Variants in ZNF277 observed in about 807,000 individuals in gnomAD.
ZNF277 encodes the protein nuclear receptor-interacting factor 4.
ZNF277 carries 55 observed loss-of-function variants against 60.7 expected under a neutral mutation model. That is an observed-to-expected ratio of 0.91 (90% CI 0.73 to 1.13). The LOEUF is 1.13. ZNF277 is among the 50% of genes most tolerant of loss of function. The probability of loss-of-function intolerance (pLI) is 0.00; values close to 1 mark genes in which losing one functional copy is unlikely to be tolerated. For missense variants in ZNF277, 510 were observed against 523.0 expected (o/e 0.98, Z 0.24); for synonymous variants, 178 against 179.3 (o/e 0.99, Z 0.06).
intron 5 of ZNF277, among the ~76,000 whole-genome samples, chr7:112,326,641 T>TAA (rs72193139): frequency 0.25 from 35,560 of 144,880 alleles, 4,599 homozygotes; most frequent in African/African-American, 0.34. Context: ...CTTACATAGT[T>TAA]AAAAAAAAAA....
chr7:112,255,401 A>C (rs905550610), intron 1 of ZNF277, among the ~76,000 whole-genome samples: 6 of 152,228 alleles, frequency 3.9e-5, no homozygotes, highest in Admixed American at 2.6e-4. Context: ...ACAGTATTAA[A>C]GTTAAGTATT....
chr7:112,224,881 A>G (rs1239818094), intron 1 of ZNF277, among the ~76,000 whole-genome samples: 2 of 152,118 alleles, frequency 1.3e-5, no homozygotes, highest in African/African-American at 4.8e-5. Flanking sequence ...GGTGGCTCAC[A>G]CCTGCAATCC....
intron 5 of ZNF277, among the ~76,000 whole-genome samples, chr7:112,323,415 A>T (rs551083849): frequency 1.3e-5 from 2 of 152,342 alleles, no homozygotes; most frequent in Non-Finnish European, 2.9e-5. Context: ...GGGTGGACTG[A>T]ATCATGTCAA....
intron 2 of ZNF277, among the ~76,000 whole-genome samples, chr7:112,291,609 G>A (rs57771476): frequency 0.06 from 9,056 of 152,114 alleles, 716 homozygotes; most frequent in African/African-American, 0.18. Flanking sequence ...AATTTGAACA[G>A]TGTTCTAGTG....
chr7:112,288,326 G>C lies in ZNF277; in HGVS notation c.293+1252G>C, dbSNP rs564765917. The C allele has an allele frequency of 2.0e-5, 3 of 152,260 alleles. No individual in the cohort carries two copies. The East Asian group carries it at 5.8e-4, about 29-fold the overall frequency. The allele number at this position is 152,260 out of a possible 1,614,324, so 9.4% of individuals were successfully genotyped here. A position where few individuals can be genotyped will look rare whatever the true frequency, so the allele number is the denominator to read the frequency against. On this transcript the variant is annotated intron_variant, in intron 2 of 11. Coordinates refer to ENST00000361822, the MANE Select transcript of ZNF277 (RefSeq NM_021994.3). ...TGTCCTGATTTCCCCATAAAACATT[G>C]TAGTAGCCCAGACATTGAATACCCC... is the stretch of plus-strand genomic sequence containing the variant.
intron 2 of ZNF277, among the ~76,000 whole-genome samples, chr7:112,291,985 C>T (rs541203491): frequency 6.6e-6 from 1 of 152,198 alleles, no homozygotes; most frequent in African/African-American, 2.4e-5. Flanking sequence ...GAAGAGAACA[C>T]TCAAATGACA....
Position 112,295,908 on chromosome 7 carries a change from C to T in ZNF277, c.333C>T (p.Pro111=), listed in dbSNP as rs1205253425. 8.1e-6 allele frequency: 13 copies of T among 1,612,810 alleles called. No homozygotes were observed. The highest frequency in any genetic ancestry group is 1.3e-5 in the African/African-American group (1 of 74,866). ...GGAGGAAAAGGTTCACTGAACAGCC[C>T]ATCACAGATTTTTGTAGTGTAATAA... ...LYWRKRFTEQ[P]ITDFCSVIRI... Residue 111 remains proline (P), a synonymous_variant, in exon 3 of 12, where the codon CCC becomes CCT. Transcript: ENST00000361822.
intron 4 of ZNF277, among the ~76,000 whole-genome samples, chr7:112,310,218 G>T (rs1299219036): frequency 6.6e-6 from 1 of 151,958 alleles, no homozygotes; most frequent in Non-Finnish European, 1.5e-5. Context: ...TTCTGGCATG[G>T]CCAGTTCCCA....
chr7:112,220,241 T>C (rs1821989787), intron 1 of ZNF277, among the ~76,000 whole-genome samples: 1 of 152,198 alleles, frequency 6.6e-6, no homozygotes, highest in African/African-American at 2.4e-5. Flanking sequence ...TATTTTATAG[T>C]TTTCCCTGTA....
chr7:112,280,511 A>G (rs973852031), intron 1 of ZNF277, among the ~76,000 whole-genome samples: 1 of 152,188 alleles, frequency 6.6e-6, no homozygotes, highest in Non-Finnish European at 1.5e-5. Context: ...GCCAAAGCAG[A>G]ATTTCCAAGA....
At chr7:112,232,338 TA>T (rs201558957) in intron 1 of ZNF277, among the ~76,000 whole-genome samples, 21 of 152,214 alleles carry the variant, frequency 1.4e-4, no homozygotes, top group Non-Finnish European at 2.2e-4. Flanking sequence ...AGAATTCTAA[TA>T]AAGTAGTATG....
chr7:112,240,588 G>T (rs1790923421), intron 1 of ZNF277, among the ~76,000 whole-genome samples: 1 of 152,058 alleles, frequency 6.6e-6, no homozygotes, highest in East Asian at 1.9e-4. Context: ...AAAAACAAAT[G>T]CTACTGAGCT....
intron 8 of ZNF277, among the ~76,000 whole-genome samples, chr7:112,336,848 G>C (rs147927368): frequency 1.2e-3 from 180 of 152,278 alleles, no homozygotes; most frequent in African/African-American, 4.1e-3. Context: ...ATACTAGTTG[G>C]AATATTTAAT....
chr7:112,314,328 G>A (rs2117105435), intron 4 of ZNF277, among the ~76,000 whole-genome samples: 3 of 152,186 alleles, frequency 2.0e-5, no homozygotes, highest in Middle Eastern at 6.8e-3. Context: ...AAGCAAAGAT[G>A]GGCAAAAGAG....
intron 1 of ZNF277, among the ~76,000 whole-genome samples, chr7:112,218,493 C>G (rs766242140): frequency 1.3e-4 from 20 of 152,118 alleles, no homozygotes; most frequent in Non-Finnish European, 2.2e-4. Flanking sequence ...CATTTAAGAT[C>G]TACTCATAGC....
chr7:112,296,218 T>A lies in ZNF277; in HGVS notation c.383-11T>A. ...TCTGTTTTCTTATTTGTTTTCCTAA[T>A]CTCTCAACAGAAGAACAAGAGAATT... On this transcript the variant is annotated splice_polypyrimidine_tract_variant and intron_variant, in intron 3 of 11. Transcript: ENST00000361822. 1 of 1,530,098 alleles carries A rather than the reference T, an allele frequency of 6.5e-7. No homozygotes were observed. Among genetic ancestry groups the A allele is most frequent in the East Asian group, 2.3e-5 (1 of 44,204 alleles). 94.8% of individuals were successfully genotyped at this position (1,530,098 alleles called of 1,614,324 possible). A position where few individuals can be genotyped will look rare whatever the true frequency, so the allele number is the denominator to read the frequency against.
chr7:112,225,549 G>T (rs973609098), intron 1 of ZNF277, among the ~76,000 whole-genome samples: 12 of 152,190 alleles, frequency 7.9e-5, no homozygotes, highest in African/African-American at 2.9e-4. Flanking sequence ...TATATTTTTA[G>T]ATGTCAGTAG....
In ZNF277 at chr7:112,285,642, G is replaced by A. The variant is rs138741194; in HGVS notation, c.92-1231G>A. ...GTAGAGACGGGGTTTTACCATGTTGGCCAGGCTGGTCTCAAACTCCTAACC... is the reference window on the plus strand; with the variant it reads ...GTAGAGACGGGGTTTTACCATGTTGACCAGGCTGGTCTCAAACTCCTAACC... On this transcript the variant is annotated intron_variant, in intron 1 of 11. Coordinates refer to ENST00000361822, the MANE Select transcript of ZNF277 (RefSeq NM_021994.3). Among the ~76,000 whole-genome samples the A allele has an allele frequency of 8.9e-3, 1,350 of 151,508 alleles. 17 individuals carry two copies. The highest frequency in any genetic ancestry group is 0.031 in the African/African-American group (1,277 of 41,266).
At chr7:112,260,614 A>G (rs987671075) in intron 1 of ZNF277, among the ~76,000 whole-genome samples, 1 of 152,154 alleles carries the variant, frequency 6.6e-6, no homozygotes, top group Non-Finnish European at 1.5e-5. Context: ...TAAACCCCTC[A>G]GTCTTGCTCT....
Sources: gnomAD v4.1 joint callset for allele counts (sites outside exome capture counted in the v4.1 genomes callset) on GRCh38, gnomAD v4.1.1 for gene constraint, MANE v1.5 for transcripts, NCBI Gene and HGNC (gene_info 2026-07-23, HGNC 2026-07-21) for gene names.